Variants in PSG3 observed in about 807,000 individuals in gnomAD.
PSG3 encodes pregnancy-specific beta-1-glycoprotein 3.
PSG3 carries 61 observed loss-of-function variants against 47.5 expected under a neutral mutation model. The ratio of observed to expected loss-of-function variants is 1.28; its 90% CI spans 1.05 to 1.59. PSG3 has a LOEUF of 1.59. PSG3 is among the 40% of genes most tolerant of loss of function. PSG3 has a pLI of 0.00. For missense variants in PSG3, 756 were observed against 524.0 expected, an observed-to-expected ratio of 1.44 and a Z score of -4.32; for synonymous variants, 263 against 198.4, an observed-to-expected ratio of 1.33 and a Z score of -2.74.
intron 2 of PSG3, 195 bp from the exon 3 acceptor site, chr19:42,733,257 G>A (rs956653236): frequency 1.1e-5 from 14 of 1,221,774 alleles, no homozygotes; most frequent in Non-Finnish European, 1.4e-5. Flanking sequence ...TGCTTCGTGT[G>A]GGAGAAGCAC....
chr19:42,729,817 C>A lies in PSG3; in HGVS notation c.949G>T (p.Gly317Cys). 2 of 1,613,726 alleles carry A rather than the reference C, an allele frequency of 1.2e-6. No homozygotes were observed. Among genetic ancestry groups the A allele is most frequent in the South Asian group, 1.1e-5 (1 of 91,062 alleles). Residue 317 changes from glycine to cysteine, a missense_variant, in exon 4 of 7, where the codon GGT (glycine) becomes TGT (cysteine). Coordinates refer to ENST00000327495, the MANE Select transcript of PSG3 (RefSeq NM_021016.4). ...GTGACTGGGTAACTGCGGATGCCACCATATCGGTCCTGTATTTCACATTGA... is the reference window on the plus strand; with the variant it reads ...GTGACTGGGTAACTGCGGATGCCACAATATCGGTCCTGTATTTCACATTGA... ...PYQCEIQDRY[G>C]GIRSYPVTLN... is the part of the protein sequence containing the mutation.
intron 2 of PSG3, 89 bp downstream of exon 2, chr19:42,738,635 A>G: frequency 1.2e-6 from 2 of 1,608,538 alleles, no homozygotes; most frequent in South Asian, 1.1e-5. Context: ...GCAGAGAGGG[A>G]CACAGGCACA....
intron 6 of PSG3, among the ~76,000 whole-genome samples, chr19:42,722,639 A>C (rs771488697): frequency 2.7e-4 from 41 of 152,180 alleles, no homozygotes; most frequent in Non-Finnish European, 5.7e-4. Context: ...AATGCTTTCT[A>C]TATAATTTAA....
intron 5 of PSG3, among the ~76,000 whole-genome samples, chr19:42,726,693 T>G (rs1969383161): frequency 2.0e-5 from 3 of 152,198 alleles, no homozygotes; most frequent in Non-Finnish European, 4.4e-5. Context: ...GACTCAATAT[T>G]GTTAGGAGGA....
At chr19:42,725,890 C>CAAAAAAAAAAAAAAAAAAAAAAAAAAAA (rs200684147) in intron 5 of PSG3, among the ~76,000 whole-genome samples, 10 of 68,036 alleles carry the variant, frequency 1.5e-4, no homozygotes, top group African/African-American at 5.6e-4. Context: ...CAACAACAAC[C>CAAAAAAAAAAAAAAAAAAAAAAAAAAAA]AAAAAAAAAA....
intron 3 of PSG3, among the ~76,000 whole-genome samples, chr19:42,731,153 A>T (rs1731520269): frequency 6.6e-6 from 1 of 152,216 alleles, no homozygotes; most frequent in Non-Finnish European, 1.5e-5. Context: ...CAGTTATTCA[A>T]GGTGGGGAGG....
chr19:42,738,966 G>T lies in PSG3; in HGVS notation c.188C>A (p.Ala63Asp), dbSNP rs768141367. 1.9e-6 allele frequency: 3 copies of T among 1,614,064 alleles called. No individual in the cohort carries two copies. The Admixed American group carries it at 5.0e-5, about 27-fold the overall frequency. Reference protein sequence around the residue: ...LLVHNLPQNLAGYIWYKGQMK... With the variant: ...LLVHNLPQNLDGYIWYKGQMK... ...TTGCCCTTTGTACCAGATGTAGCCA[G>T]CAAGATTCTGGGGCAAATTGTGGAC... The change falls in exon 2 of 7, where the codon GCT (alanine) becomes GAT (aspartate). Residue 63 changes from alanine (A) to aspartate (D), a missense_variant. Coordinates refer to ENST00000327495, the MANE Select transcript of PSG3 (RefSeq NM_021016.4).
intron 5 of PSG3, among the ~76,000 whole-genome samples, chr19:42,726,536 A>C (rs144088936): frequency 0.01 from 1,582 of 152,346 alleles, 30 homozygotes; most frequent in African/African-American, 0.036. Context: ...ATTTCAATTT[A>C]TATTAACATC....
chr19:42,724,836 T>G (rs1281297619), intron 5 of PSG3, among the ~76,000 whole-genome samples: 1 of 152,056 alleles, frequency 6.6e-6, no homozygotes, highest in Non-Finnish European at 1.5e-5. Flanking sequence ...AAGTAGTCAG[T>G]AACCATGTCC....
intron 2 of PSG3, among the ~76,000 whole-genome samples, chr19:42,735,860 G>A (rs552221593): frequency 6.6e-6 from 1 of 152,288 alleles, no homozygotes; most frequent in South Asian, 2.1e-4. Context: ...GAGCCCATGG[G>A]GTTTGGGGAC....
intron 2 of PSG3, chr19:42,734,309 C>T (rs973236420): frequency 1.3e-5 from 2 of 152,110 alleles, no homozygotes; most frequent in African/African-American, 2.4e-5. Context: ...GGTTTAGCAT[C>T]CCAAATCTGA....
At chr19:42,739,237 G>A in intron 1 of PSG3, 148 bp from the exon 2 acceptor site, 1 of 1,290,022 alleles carries the variant, frequency 7.8e-7, no homozygotes, top group Non-Finnish European at 1.1e-6. Flanking sequence ...CACACAAAAG[G>A]GGCATGTGTA....
Position 42,738,841 on chromosome 19 carries a change from C to G in PSG3, c.313G>C (p.Ala105Pro), listed in dbSNP as rs1377507660. ...YSGRETVYSN[A>P]SLLIQNVTRE... ...GTGACATTCTGGATCAGCAGGGATG[C>G]ATTGGAATATACTGTTTCTCGTCCA... is the stretch of plus-strand genomic sequence containing the variant. Residue 105 changes from alanine (A) to proline (P), a missense_variant, in exon 2 of 7, where the codon GCA becomes CCA. Ala to Pro is a conservative substitution (Grantham distance 27). Coordinates refer to ENST00000327495, the MANE Select transcript of PSG3 (RefSeq NM_021016.4). The G allele has an allele frequency of 1.2e-6, 2 of 1,614,128 alleles. No individual in the cohort carries two copies. Among genetic ancestry groups the G allele is most frequent in the Non-Finnish European group, 1.7e-6 (2 of 1,179,990 alleles).
rs201563817 is a variant in PSG3 at position 42,739,100 on chromosome 19, G to A, written c.65-11C>T. 1,448 of 1,591,604 alleles carry A rather than the reference G, an allele frequency of 9.1e-4. 8 individuals carry two copies. The highest frequency in any genetic ancestry group is 1.2e-3 in the Non-Finnish European group (1,341 of 1,164,530). ...AGTTTAAAAGTAATGCTAGGAGGTG[G>A]AGAGAGCATCAGTCAATATTGAGAC... On this transcript the variant is annotated splice_polypyrimidine_tract_variant and intron_variant, in intron 1 of 6. Coordinates refer to ENST00000327495, the MANE Select transcript of PSG3 (RefSeq NM_021016.4).
Position 42,729,211 on chromosome 19 carries a change from A to G in PSG3, c.1155T>C (p.Thr385=), listed in dbSNP as rs781301041. 36 of 1,613,886 alleles carry G rather than the reference A, an allele frequency of 2.2e-5. No individual in the cohort carries two copies. Among genetic ancestry groups the G allele is most frequent in the South Asian group, 4.4e-5 (4 of 91,078 alleles). Residue 385 remains threonine (T), a synonymous_variant, in exon 5 of 7, where the codon ACT becomes ACC. Coordinates refer to ENST00000327495, the MANE Select transcript of PSG3 (RefSeq NM_021016.4). ...SGQKLFIPQI[T]TKHSGLYACS... ...AAGCATAGAGCCCGCTATGCTTTGT[A>G]GTAATCTGGGGGATAAAGAGCTTTT...
chr19:42,726,844 G>T (rs1969385848), intron 5 of PSG3, among the ~76,000 whole-genome samples: 1 of 152,184 alleles, frequency 6.6e-6, no homozygotes, highest in Non-Finnish European at 1.5e-5. Flanking sequence ...TGAAGAGGAA[G>T]AATGAAGCTG....
chr19:42,731,983 A>C (rs1422150726), intron 3 of PSG3: 1 of 151,684 alleles, frequency 6.6e-6, no homozygotes, highest in Non-Finnish European at 1.5e-5. Flanking sequence ...GACAGGCAAA[A>C]GCTGGTGGTT....
At chr19:42,725,890 C>CAAAAAA (rs200684147) in intron 5 of PSG3, among the ~76,000 whole-genome samples, 680 of 67,850 alleles carry the variant, frequency 0.01, 5 homozygotes, top group African/African-American at 0.023. Context: ...CAACAACAAC[C>CAAAAAA]AAAAAAAAAA....
intron 5 of PSG3, among the ~76,000 whole-genome samples, chr19:42,726,585 A>G (rs1015188561): frequency 3.3e-5 from 5 of 152,238 alleles, no homozygotes; most frequent in Admixed American, 2.6e-4. Flanking sequence ...TTAACCAAAG[A>G]GGTAAAATGA....
Sources: allele counts gnomAD v4.1 joint callset (sites outside exome capture counted in the v4.1 genomes callset), GRCh38; gene constraint gnomAD v4.1.1; transcripts MANE v1.5; gene names NCBI Gene and HGNC (gene_info 2026-07-23, HGNC 2026-07-21).